Variants in PCDHA1 observed in about 807,000 individuals in gnomAD.
The protein encoded by PCDHA1 is protocadherin alpha-1.
In PCDHA1, 42 loss-of-function variants were observed where a neutral mutation model predicts 61.3. The observed-to-expected ratio is 0.69, with a 90% CI of 0.54 to 0.89. The LOEUF (loss-of-function observed/expected upper bound fraction) is 0.89, where lower values mean the gene tolerates loss of function less well. Ranked by LOEUF, PCDHA1 falls within the 40% of genes least tolerant of loss-of-function variation. The probability of loss-of-function intolerance (pLI) is 0.00; values close to 1 mark genes in which losing one functional copy is unlikely to be tolerated. For missense variants in PCDHA1, 1,256 were observed against 1,235.3 expected (o/e 1.02, Z -0.25); for synonymous variants, 610 against 553.8 (o/e 1.10, Z -1.43).
intron 1 of PCDHA1, among the ~76,000 whole-genome samples, chr5:140,944,328 C>T (rs1478623361): frequency 1.3e-5 from 2 of 152,124 alleles, no homozygotes; most frequent in African/African-American, 4.8e-5. Context: ...GCTGGGATTA[C>T]AAGCACGTGC....
rs782296827 is a variant in PCDHA1, at chr5:140,858,349, C to T, written c.2394+69665C>T. The T allele has an allele frequency of 9.4e-6, 15 of 1,594,268 alleles. 2 individuals are homozygous for T. ...GGGAGGGCCTGCCCAAGGCGGACCT[C>T]ATGGCCTTCAGCCCCAGCCTTCCAC... On this transcript the variant is annotated intron_variant, in intron 1 of 3. Coordinates refer to ENST00000504120, the MANE Select transcript of PCDHA1 (RefSeq NM_018900.4).
chr5:140,846,261 G>T (rs922886728), intron 1 of PCDHA1, among the ~76,000 whole-genome samples: 4 of 148,852 alleles, frequency 2.7e-5, no homozygotes, highest in Admixed American at 6.7e-5. Flanking sequence ...TTTTGATGAT[G>T]ATTTAAAGTC....
intron 1 of PCDHA1, chr5:140,882,627 A>G: frequency 6.2e-7 from 1 of 1,614,136 alleles, no homozygotes; most frequent in Non-Finnish European, 8.5e-7. Flanking sequence ...TTCCATGTGG[A>G]GGTGAAGGTG....
intron 1 of PCDHA1, chr5:140,884,656 G>C (rs782439139): frequency 1.9e-6 from 3 of 1,602,178 alleles, no homozygotes; most frequent in Admixed American, 1.7e-5. Context: ...CAGAATGCTT[G>C]AAAGAGGTAA....
chr5:140,971,163 T>C (rs2096460132), intron 1 of PCDHA1, among the ~76,000 whole-genome samples: 1 of 152,180 alleles, frequency 6.6e-6, no homozygotes, highest in Non-Finnish European at 1.5e-5. Flanking sequence ...AGGCTCAGCT[T>C]TGCCACCAGC....
At chr5:140,926,620 C>G in intron 1 of PCDHA1, 1 of 385,534 alleles carries the variant, frequency 2.6e-6, no homozygotes, top group Admixed American at 4.4e-5. Context: ...CACCCCTAGG[C>G]GGCGCTGCGC....
At chr5:140,926,879 C>T (rs1554203752) in intron 1 of PCDHA1, 1 of 1,534,362 alleles carries the variant, frequency 6.5e-7, no homozygotes, top group African/African-American at 1.4e-5. Context: ...GGAACGTGGA[C>T]GCCTAGAGGG....
At chr5:140,858,130 C>T in intron 1 of PCDHA1, 1 of 1,597,774 alleles carries the variant, frequency 6.3e-7, no homozygotes, top group Non-Finnish European at 8.6e-7. Flanking sequence ...TGGTGGATGT[C>T]AACGTGTACC....
intron 1 of PCDHA1, chr5:140,928,743 G>C: frequency 6.2e-7 from 1 of 1,614,138 alleles, no homozygotes; most frequent in Non-Finnish European, 8.5e-7. Context: ...ATATAGGTGA[G>C]CTCCGTACTG....
chr5:140,808,810 C>T lies in PCDHA1; in HGVS notation c.2394+20126C>T, dbSNP rs536397665. Reference sequence around the variant, plus strand: ...TTCAGGTGACCGCTCGCGATGCCGGCGTGCCACCTCTGGGCAGCAACGTGA... The same window carrying T: ...TTCAGGTGACCGCTCGCGATGCCGGTGTGCCACCTCTGGGCAGCAACGTGA... On this transcript the variant is annotated intron_variant, in intron 1 of 3. Coordinates refer to ENST00000504120, the MANE Select transcript of PCDHA1 (RefSeq NM_018900.4). The T allele has an allele frequency of 2.5e-6, 4 of 1,612,770 alleles. No individual in the cohort carries two copies. In the African/African-American group the frequency reaches 5.3e-5, roughly 21 times the overall value.
chr5:140,856,328 C>A, intron 1 of PCDHA1: 1 of 1,598,592 alleles, frequency 6.3e-7, no homozygotes. Context: ...CCGCGAGGAG[C>A]TGTGCGGGCG....
chr5:140,877,162 G>T (rs782642663), intron 1 of PCDHA1: 3 of 1,613,832 alleles, frequency 1.9e-6, no homozygotes, highest in Non-Finnish European at 1.7e-6. Context: ...CAACGCGCCG[G>T]CACTGCTGGC....
At position 140,802,940 on chromosome 5, in the gene PCDHA1, G is replaced by T. The variant is rs782378272; in HGVS notation, c.2394+14256G>T. Reference sequence around the variant, plus strand: ...TCGGTGGCGCAGTGAGCGAGCTGGTGCCGCGGTCAGTGGGTGCGGGCCACG... The same window carrying T: ...TCGGTGGCGCAGTGAGCGAGCTGGTTCCGCGGTCAGTGGGTGCGGGCCACG... On this transcript the variant is annotated intron_variant, in intron 1 of 3. Coordinates refer to ENST00000504120, the MANE Select transcript of PCDHA1 (RefSeq NM_018900.4). 3.1e-6 allele frequency: 5 copies of T among 1,613,754 alleles called. No individual in the cohort carries two copies. The African/African-American group carries it at 6.7e-5, about 22-fold the overall frequency.
chr5:140,918,511 C>G (rs574083461), intron 1 of PCDHA1, among the ~76,000 whole-genome samples: 1 of 152,144 alleles, frequency 6.6e-6, no homozygotes, highest in African/African-American at 2.4e-5. Flanking sequence ...TCCTTTTAAA[C>G]TTATTGAGGA....
At chr5:140,801,793 A>G in intron 1 of PCDHA1, 2 of 1,614,032 alleles carry the variant, frequency 1.2e-6, no homozygotes, top group Non-Finnish European at 1.7e-6. Flanking sequence ...TTGAAAAAAA[A>G]TTTAAATCGA....
In PCDHA1 at chr5:140,863,325, AGT is replaced by A. The variant is rs1554158100; in HGVS notation, c.2394+74643_2394+74644del. 4 of 1,432,658 alleles carry A rather than the reference AGT, an allele frequency of 2.8e-6. No individual in the cohort carries two copies. In the African/African-American group the frequency reaches 5.7e-5, roughly 21 times the overall value. The allele number at this position is 1,432,658 out of a possible 1,614,324, so 88.7% of individuals were successfully genotyped here. On this transcript the variant is annotated intron_variant, in intron 1 of 3. Transcript: ENST00000504120. ...CCATCTGCGTGGTGTCCAGCCTGTT[AGT>A]GCTCACGTTGCTGCTGTACACGACG...
intron 3 of PCDHA1, among the ~76,000 whole-genome samples, chr5:141,006,649 G>A (rs1377970510): frequency 2.6e-5 from 4 of 152,176 alleles, no homozygotes; most frequent in Admixed American, 2.0e-4. Context: ...AGAGATGATG[G>A]TGTCCTGAAA....
At position 140,849,055 on chromosome 5, in the gene PCDHA1, A is replaced by G; in HGVS notation, c.2394+60371A>G. The G allele has an allele frequency of 5.8e-6, 9 of 1,555,688 alleles. No individual in the cohort carries two copies. The Middle Eastern group carries it at 8.5e-4, about 147-fold the overall frequency. ...TTCCTGGACGTGCCAACCAGCAACC[A>G]GCAGGTAAAACCTCTTGGACTTGTA... On this transcript the variant is annotated intron_variant, in intron 1 of 3. Coordinates refer to ENST00000504120, the MANE Select transcript of PCDHA1 (RefSeq NM_018900.4).
intron 1 of PCDHA1, among the ~76,000 whole-genome samples, chr5:140,918,875 T>G (rs1283138930): frequency 2.0e-5 from 3 of 152,188 alleles, no homozygotes; most frequent in African/African-American, 7.2e-5. Context: ...CTTTCAAGCC[T>G]CTAGAACAGT....
Sources: allele counts gnomAD v4.1 joint callset (sites outside exome capture counted in the v4.1 genomes callset), GRCh38; gene constraint gnomAD v4.1.1; transcripts MANE v1.5; gene names NCBI Gene and HGNC (gene_info 2026-07-23, HGNC 2026-07-21).